ENOX1: variants seen among roughly 807,000 people sequenced by gnomAD.
ENOX1 encodes the protein candidate growth-related and time keeping constitutive hydroquinone (NADH) oxidase.
A neutral mutation model predicts 82.5 loss-of-function variants in ENOX1; 42 were observed. The ratio of observed to expected loss-of-function variants is 0.51; its 90% CI spans 0.40 to 0.66. The LOEUF (loss-of-function observed/expected upper bound fraction) is 0.66. ENOX1 is among the 30% of genes least tolerant of loss of function. The probability of loss-of-function intolerance (pLI) is 0.00; values close to 1 mark genes in which losing one functional copy is unlikely to be tolerated. For missense variants in ENOX1, 608 were observed against 811.6 expected (o/e 0.75, Z 3.05); for synonymous variants, 271 against 282.2 (o/e 0.96, Z 0.40).
chr13:43,656,118 G>A (rs1026072849), intron 2 of ENOX1, among the ~76,000 whole-genome samples: 10 of 152,056 alleles, frequency 6.6e-5, no homozygotes, highest in African/African-American at 1.9e-4. Context: ...GTTTTATTAT[G>A]CATGTGTATC....
chr13:43,409,029 C>A (rs1249975089), intron 5 of ENOX1, among the ~76,000 whole-genome samples: 18 of 105,864 alleles, frequency 1.7e-4, no homozygotes, highest in South Asian at 2.9e-4. Context: ...AACAAATGCC[C>A]AAATATAAAC....
intron 3 of ENOX1, among the ~76,000 whole-genome samples, chr13:43,466,947 T>C (rs1290046101): frequency 1.3e-5 from 2 of 152,248 alleles, no homozygotes; most frequent in Admixed American, 6.5e-5. Context: ...TTTTGTAGCA[T>C]GTAAATGTAT....
intron 11 of ENOX1, among the ~76,000 whole-genome samples, chr13:43,304,126 C>T (rs2046735068): frequency 6.6e-6 from 1 of 152,182 alleles, no homozygotes; most frequent in African/African-American, 2.4e-5. Flanking sequence ...TCAGCTTGCC[C>T]CGTGCCCTGG....
At chr13:43,528,850 C>G (rs1036392378) in intron 2 of ENOX1, among the ~76,000 whole-genome samples, 6 of 151,954 alleles carry the variant, frequency 3.9e-5, no homozygotes, top group African/African-American at 1.4e-4. Context: ...GGTTATTTGT[C>G]TTTCATCATG....
chr13:43,369,142 G>A (rs184314352), intron 5 of ENOX1, among the ~76,000 whole-genome samples: 45 of 152,218 alleles, frequency 3.0e-4, no homozygotes, highest in African/African-American at 1.0e-3. Context: ...CTGGGTTCCT[G>A]TAACAAGTCT....
chr13:43,616,780 C>T (rs1190215466), intron 2 of ENOX1, among the ~76,000 whole-genome samples: 1 of 152,144 alleles, frequency 6.6e-6, no homozygotes, highest in Non-Finnish European at 1.5e-5. Context: ...AAAAACCTAA[C>T]TACTGCAGAG....
rs879724250 is a variant in ENOX1 at position 43,693,221 on chromosome 13, AT to A, written c.-284-25678del. 7.2e-4 allele frequency among the ~76,000 whole-genome samples: 110 copies of A among 151,842 alleles called. 1 individual carries two copies. Among genetic ancestry groups the A allele is most frequent in the Admixed American group, 2.4e-3 (36 of 15,246 alleles). On this transcript the variant is annotated intron_variant, in intron 1 of 16. Transcript: ENST00000690772. ...TATACATAGATTTTTGAATTATCTG[AT>A]TTTTTTTCAAAGAGCATGTATACTT...
intron 14 of ENOX1, among the ~76,000 whole-genome samples, chr13:43,256,759 T>C (rs2043772304): frequency 6.6e-6 from 1 of 152,160 alleles, no homozygotes; most frequent in African/African-American, 2.4e-5. Context: ...TGGAGTTTCT[T>C]CAGAAAAGTA....
At chr13:43,534,538 G>GA (rs533640574) in intron 2 of ENOX1, among the ~76,000 whole-genome samples, 3 of 152,288 alleles carry the variant, frequency 2.0e-5, no homozygotes, top group Admixed American at 2.0e-4. Context: ...ATCACAGACT[G>GA]AAGACGGTAG....
intron 12 of ENOX1, among the ~76,000 whole-genome samples, chr13:43,289,955 C>CAACA (rs140359833): frequency 0.16 from 24,890 of 151,940 alleles, 2,325 homozygotes; most frequent in Non-Finnish European, 0.22. Context: ...CACAAATGGT[C>CAACA]AACAAACATA....
rs192798136 is a variant in ENOX1, at chr13:43,664,323, C to G, written c.-219+3156G>C. 2.2e-3 allele frequency among the ~76,000 whole-genome samples: 338 copies of G among 152,242 alleles called. 1 individual carries two copies. Among genetic ancestry groups the G allele is most frequent in the Non-Finnish European group, 2.6e-3 (179 of 68,004 alleles). Reference sequence around the variant, plus strand: ...AAATGGAGTAAAGACAAAGCAACAACAATAAAACTTGTTTTCCATGTTCAA... The same window carrying G: ...AAATGGAGTAAAGACAAAGCAACAAGAATAAAACTTGTTTTCCATGTTCAA... On this transcript the variant is annotated intron_variant, in intron 2 of 16. Transcript: ENST00000690772.
intron 12 of ENOX1, among the ~76,000 whole-genome samples, chr13:43,274,657 G>A (rs2044894744): frequency 6.6e-6 from 1 of 152,226 alleles, no homozygotes; most frequent in African/African-American, 2.4e-5. Context: ...TAACATTTGA[G>A]AGTGTGGCAT....
chr13:43,347,797 C>T (rs2049487488), intron 8 of ENOX1, among the ~76,000 whole-genome samples: 1 of 152,198 alleles, frequency 6.6e-6, no homozygotes, highest in Non-Finnish European at 1.5e-5. Context: ...TTTCTGTGAA[C>T]ATGCTCAGGC....
chr13:43,716,658 G>A (rs1459797302), intron 1 of ENOX1, among the ~76,000 whole-genome samples: 1 of 151,964 alleles, frequency 6.6e-6, no homozygotes, highest in Admixed American at 6.6e-5. Flanking sequence ...AAGGCTCCTG[G>A]AACTGACAAA....
chr13:43,443,511 C>T (rs1594635178), intron 3 of ENOX1, among the ~76,000 whole-genome samples: 2 of 152,212 alleles, frequency 1.3e-5, no homozygotes, highest in African/African-American at 4.8e-5. Flanking sequence ...TCCCGATGTA[C>T]ATCATCTACT....
chr13:43,419,230 A>G (rs577521300), intron 3 of ENOX1, among the ~76,000 whole-genome samples: 2 of 152,304 alleles, frequency 1.3e-5, no homozygotes, highest in African/African-American at 4.8e-5. Context: ...TCTTATTGAA[A>G]AAAAGAAAAA....
intron 2 of ENOX1, among the ~76,000 whole-genome samples, chr13:43,525,892 A>AAT (rs2153685349): frequency 1.3e-5 from 2 of 152,196 alleles, no homozygotes; most frequent in African/African-American, 4.8e-5. Context: ...CCCCTTATCA[A>AAT]ATATATGATT....
At chr13:43,611,560 T>C (rs1024407321) in intron 2 of ENOX1, among the ~76,000 whole-genome samples, 1 of 152,228 alleles carries the variant, frequency 6.6e-6, no homozygotes, top group African/African-American at 2.4e-5. Flanking sequence ...CCATTAAGAA[T>C]ATACATCTCT....
intron 12 of ENOX1, among the ~76,000 whole-genome samples, chr13:43,280,383 G>T (rs926388876): frequency 1.3e-5 from 2 of 152,192 alleles, no homozygotes; most frequent in Non-Finnish European, 2.9e-5. Context: ...AACCACTGGA[G>T]AACCAAACAA....
Sources: allele counts gnomAD v4.1 joint callset (sites outside exome capture counted in the v4.1 genomes callset), GRCh38; gene constraint gnomAD v4.1.1; transcripts MANE v1.5; gene names NCBI Gene and HGNC (gene_info 2026-07-23, HGNC 2026-07-21).